The following PPP3R1 variants were observed in gnomAD, a reference collection of about 807,000 sequenced individuals.
The protein encoded by PPP3R1 is calcineurin subunit B type 1.
A neutral mutation model predicts 22.6 loss-of-function variants in PPP3R1; 5 were observed. The ratio of observed to expected loss-of-function variants is 0.22; its 90% CI spans 0.12 to 0.46. The LOEUF is 0.46. Among genes scored for constraint, PPP3R1 ranks in the 20% least tolerant of loss-of-function variants. The pLI is 0.99. For synonymous variants in PPP3R1, 56 were observed against 65.2 expected (o/e 0.86, Z 0.68); for missense variants, 61 against 203.2 (o/e 0.30, Z 4.25).
chr2:68,219,280 T>C (rs1238018286), intron 1 of PPP3R1, among the ~76,000 whole-genome samples: 1 of 152,176 alleles, frequency 6.6e-6, no homozygotes, highest in Non-Finnish European at 1.5e-5. Context: ...ATAGTCTACC[T>C]TCCATTTAAA....
intron 5 of PPP3R1, among the ~76,000 whole-genome samples, chr2:68,182,209 A>G (rs1380623991): frequency 6.6e-6 from 1 of 151,806 alleles, no homozygotes; most frequent in Admixed American, 6.6e-5. Flanking sequence ...TGTTATGTGT[A>G]TTTGTTATCT....
chr2:68,218,726 G>GGGT, intron 1 of PPP3R1, among the ~76,000 whole-genome samples: 1 of 61,726 alleles, frequency 1.6e-5, no homozygotes. Flanking sequence ...CTGTCACTGT[G>GGGT]AGTTTTTTTT....
At chr2:68,217,039 C>CACGCGG in intron 2 of PPP3R1, 53 bp downstream of exon 2, 1 of 1,084,902 alleles carries the variant, frequency 9.2e-7, no homozygotes, top group East Asian at 2.6e-5. Flanking sequence ...CACACACACA[C>CACGCGG]AGAGAGAGAT....
chr2:68,192,384 A>G (rs1486217996), intron 2 of PPP3R1, among the ~76,000 whole-genome samples: 1 of 152,186 alleles, frequency 6.6e-6, no homozygotes, highest in African/African-American at 2.4e-5. Flanking sequence ...TTAAGTGGAC[A>G]AATCAGGATC....
intron 3 of PPP3R1, among the ~76,000 whole-genome samples, chr2:68,188,201 G>A (rs1424050486): frequency 6.6e-6 from 1 of 151,996 alleles, no homozygotes; most frequent in East Asian, 1.9e-4. Context: ...AAAAGGAATT[G>A]CAGCTTCTAA....
At chr2:68,229,457 C>CCAA (rs1558640298) in intron 1 of PPP3R1, among the ~76,000 whole-genome samples, 1 of 152,160 alleles carries the variant, frequency 6.6e-6, no homozygotes, top group Non-Finnish European at 1.5e-5. Flanking sequence ...GATTTTCTTG[C>CCAA]TTGGTTACTC....
At chr2:68,197,656 T>C (rs1674814855) in intron 2 of PPP3R1, among the ~76,000 whole-genome samples, 1 of 152,096 alleles carries the variant, frequency 6.6e-6, no homozygotes, top group African/African-American at 2.4e-5. Flanking sequence ...TTTTTATTAG[T>C]GAATTGTGCT....
chr2:68,224,711 C>T (rs1459359647), intron 1 of PPP3R1, among the ~76,000 whole-genome samples: 2 of 150,994 alleles, frequency 1.3e-5, no homozygotes, highest in East Asian at 3.9e-4. Flanking sequence ...AAGAGTGGTA[C>T]TGGTGTAAGA....
chr2:68,198,437 G>A (rs59830658), intron 2 of PPP3R1, among the ~76,000 whole-genome samples: 4 of 146,588 alleles, frequency 2.7e-5, no homozygotes, highest in Non-Finnish European at 3.0e-5. Context: ...ATATATGCGT[G>A]TGTATATATG....
At chr2:68,195,650 T>C (rs1674752149) in intron 2 of PPP3R1, among the ~76,000 whole-genome samples, 1 of 152,176 alleles carries the variant, frequency 6.6e-6, no homozygotes, top group Non-Finnish European at 1.5e-5. Flanking sequence ...AAAAATTTCT[T>C]TTCCCGTCTT....
At chr2:68,187,398 G>C in intron 3 of PPP3R1, 84 bp from the exon 4 acceptor site, 1 of 1,194,448 alleles carries the variant, frequency 8.4e-7, no homozygotes, top group South Asian at 1.4e-5. Flanking sequence ...ACCCACAAAA[G>C]GATATTTCCT....
chr2:68,207,908 C>A (rs1387614601), intron 2 of PPP3R1, among the ~76,000 whole-genome samples: 3 of 152,238 alleles, frequency 2.0e-5, no homozygotes, highest in Non-Finnish European at 4.4e-5. Flanking sequence ...GCAATGCCAG[C>A]ACTTTAGGAG....
chr2:68,217,201 A>T, intron 1 of PPP3R1, 70 bp from the exon 2 acceptor site: 1 of 1,113,942 alleles, frequency 9.0e-7, no homozygotes, highest in East Asian at 2.6e-5. Context: ...AAACCTAAAT[A>T]TTTTAAGTCA....
chr2:68,252,442 C>A lies in PPP3R1; in HGVS notation c.-315G>T, dbSNP rs1670390254. On this transcript the variant is annotated 5_prime_UTR_variant, in exon 1 of 6. Coordinates refer to ENST00000234310, the MANE Select transcript of PPP3R1 (RefSeq NM_000945.4). ...GAGGGGGAGAGGGGGCGAAGACGGC[C>A]GGGAAACTCGGGGGCTGCAGCCTCG... 2 of 991,914 alleles carry A rather than the reference C, an allele frequency of 2.0e-6. No homozygotes were observed. The highest frequency in any genetic ancestry group is 6.1e-5 in the Admixed American group (1 of 16,408). 61.4% of individuals were successfully genotyped at this position (991,914 alleles called of 1,614,324 possible).
intron 5 of PPP3R1, among the ~76,000 whole-genome samples, chr2:68,181,834 G>C (rs377099817): frequency 6.6e-6 from 1 of 152,032 alleles, no homozygotes; most frequent in Non-Finnish European, 1.5e-5. Context: ...AAACATGTCT[G>C]TATATTATTT....
At chr2:68,235,035 G>A in intron 1 of PPP3R1, among the ~76,000 whole-genome samples, 1 of 152,224 alleles carries the variant, frequency 6.6e-6, no homozygotes, top group East Asian at 1.9e-4. Context: ...GAGGGAAAAT[G>A]TGAGACAAGT....
At chr2:68,218,380 T>C (rs1489907187) in intron 1 of PPP3R1, among the ~76,000 whole-genome samples, 1 of 152,172 alleles carries the variant, frequency 6.6e-6, no homozygotes, top group Non-Finnish European at 1.5e-5. Context: ...CTAGTCTTTT[T>C]CTTGCAAGTT....
chr2:68,209,650 C>T (rs1390015440), intron 2 of PPP3R1, among the ~76,000 whole-genome samples: 4 of 151,718 alleles, frequency 2.6e-5, no homozygotes, highest in Admixed American at 6.6e-5. Context: ...CCCAGCTACT[C>T]CAGAGGCTGA....
chr2:68,236,243 TGTGA>T lies in PPP3R1; in HGVS notation c.3+15878_3+15881del, dbSNP rs375734519. On this transcript the variant is annotated intron_variant, in intron 1 of 5. Transcript: ENST00000234310. ...TGGTATCATATATATTAAGAAACTA[TGTGA>T]ACATGCGTTTGTAAAGTTTTATTGG... Among the ~76,000 whole-genome samples the T allele has an allele frequency of 1.5e-3, 234 of 152,304 alleles. 1 individual carries two copies. The highest frequency in any genetic ancestry group is 5.0e-3 in the African/African-American group (208 of 41,576).
Sources: gnomAD v4.1 joint callset for allele counts (sites outside exome capture counted in the v4.1 genomes callset) on GRCh38, gnomAD v4.1.1 for gene constraint, MANE v1.5 for transcripts, NCBI Gene and HGNC (gene_info 2026-07-23, HGNC 2026-07-21) for gene names.